The following PLEKHA1 variants were observed in gnomAD, a reference collection of about 807,000 sequenced individuals.
PLEKHA1 encodes the protein pleckstrin homology domain-containing family A member 1.
PLEKHA1 carries 34 observed loss-of-function variants against 52.0 expected under a neutral mutation model. The observed-to-expected ratio is 0.65, with a 90% CI of 0.50 to 0.87. PLEKHA1 has a LOEUF of 0.87. Among genes scored for constraint, PLEKHA1 ranks in the 40% least tolerant of loss-of-function variants. The probability of loss-of-function intolerance (pLI) is 0.00; values close to 1 mark genes in which losing one functional copy is unlikely to be tolerated. For missense variants in PLEKHA1, 497 were observed against 504.2 expected (o/e 0.99, Z 0.14); for synonymous variants, 163 against 170.7 (o/e 0.95, Z 0.35).
At chr10:122,399,532 T>A (rs189751698) in intron 3 of PLEKHA1, among the ~76,000 whole-genome samples, 67 of 152,210 alleles carry the variant, frequency 4.4e-4, no homozygotes, top group South Asian at 8.3e-4. Flanking sequence ...ATCTTAATTA[T>A]TAAGATTAAG....
chr10:122,408,628 CTT>C (rs1294209439), intron 5 of PLEKHA1, among the ~76,000 whole-genome samples: 1 of 152,002 alleles, frequency 6.6e-6, no homozygotes, highest in Non-Finnish European at 1.5e-5. Flanking sequence ...TAAAAATAAA[CTT>C]TTGATAGACA....
rs747412267 is a variant in PLEKHA1 at position 122,400,314 on chromosome 10, G to A, written c.199-29G>A. 4 of 1,585,772 alleles carry A rather than the reference G, an allele frequency of 2.5e-6. No homozygotes were observed. The Admixed American group carries it at 5.6e-5, about 22-fold the overall frequency. On this transcript the variant is annotated intron_variant, in intron 3 of 11. Transcript: ENST00000368990. ...TGGTTTTAGGATTATATGGAGAAGT[G>A]AGGAACCCGTCTCTATTTTTCTTTT...
chr10:122,415,369 G>A lies in PLEKHA1; in HGVS notation c.469-490G>A, dbSNP rs889046428. On this transcript the variant is annotated intron_variant, in intron 6 of 11. Coordinates refer to ENST00000368990, the MANE Select transcript of PLEKHA1 (RefSeq NM_001001974.4). Reference sequence around the variant, plus strand: ...CCAATTCTGGGTCTTAAATGTGGTAGTAGTTACACAGATCTACACATGTGA... The same window carrying A: ...CCAATTCTGGGTCTTAAATGTGGTAATAGTTACACAGATCTACACATGTGA... Among the ~76,000 whole-genome samples, 5 of 139,026 alleles carry A rather than the reference G, an allele frequency of 3.6e-5. No homozygotes were observed. The Admixed American group carries it at 3.6e-4, about 10-fold the overall frequency. 91.2% of individuals were successfully genotyped at this position (139,026 alleles called of 152,430 possible).
rs4405249 is a variant in PLEKHA1 at position 122,424,216 on chromosome 10, T to C, written c.699T>C (p.Arg233=). The stretch of plus-strand genomic sequence containing the variant: ...TTTGCCAGGAAAAGGAACCTCTTCG[T>C]GTAATACCACTTAAAGAGGTTCATA... ...FKSELEKEPL[R]VIPLKEVHKV... is the part of the protein sequence containing the mutation. Residue 233 remains arginine (R), a synonymous_variant, in exon 9 of 12, where the codon CGT becomes CGC. Transcript: ENST00000368990. 0.86 allele frequency: 1,350,774 copies of C among 1,575,738 alleles called. 580,811 individuals are homozygous for C. Among genetic ancestry groups the C allele is most frequent in the East Asian group, 1 (44,367 of 44,376 alleles).
intron 1 of PLEKHA1, chr10:122,387,775 CCT>C (rs1411214186): frequency 2.6e-5 from 4 of 152,232 alleles, no homozygotes; most frequent in African/African-American, 9.7e-5. Flanking sequence ...GGGCTGGTCA[CCT>C]CTCTCCGCAC....
intron 1 of PLEKHA1, chr10:122,392,963 C>A: frequency 2.7e-6 from 1 of 364,948 alleles, no homozygotes; most frequent in Non-Finnish European, 4.9e-6. Context: ...TCTCTGTTGT[C>A]CCCATCACAG....
At chr10:122,392,543 G>C (rs2096790668) in intron 1 of PLEKHA1, among the ~76,000 whole-genome samples, 1 of 152,100 alleles carries the variant, frequency 6.6e-6, no homozygotes, top group Non-Finnish European at 1.5e-5. Context: ...AACAATTCAA[G>C]GGTTTTTTAG....
At chr10:122,394,365 C>T (rs765332684) in intron 2 of PLEKHA1, among the ~76,000 whole-genome samples, 10 of 152,090 alleles carry the variant, frequency 6.6e-5, no homozygotes, top group Non-Finnish European at 1.3e-4. Flanking sequence ...CATGAGCCAC[C>T]GCGCCCGGCC....
chr10:122,400,114 A>G (rs2096907271), intron 3 of PLEKHA1, among the ~76,000 whole-genome samples: 1 of 152,222 alleles, frequency 6.6e-6, no homozygotes, highest in Non-Finnish European at 1.5e-5. Context: ...AGAGAAAACA[A>G]GTTGTTCAAA....
intron 1 of PLEKHA1, among the ~76,000 whole-genome samples, chr10:122,375,739 G>C (rs2096524960): frequency 6.6e-6 from 1 of 152,170 alleles, no homozygotes; most frequent in Non-Finnish European, 1.5e-5. Flanking sequence ...TTGCTCTCTG[G>C]GGGCAGTACA....
chr10:122,423,911 T>C (rs1045917745), intron 8 of PLEKHA1: 2 of 358,558 alleles, frequency 5.6e-6, no homozygotes, highest in African/African-American at 4.3e-5. Flanking sequence ...TCGGGGAAAG[T>C]CTGATGGCTA....
At chr10:122,380,715 G>C (rs1436939994) in intron 1 of PLEKHA1, among the ~76,000 whole-genome samples, 4 of 152,068 alleles carry the variant, frequency 2.6e-5, no homozygotes, top group Admixed American at 2.6e-4. Context: ...TAGAATGATT[G>C]GGGAAGCTTT....
chr10:122,387,326 A>G (rs930165504), intron 1 of PLEKHA1: 3 of 152,106 alleles, frequency 2.0e-5, no homozygotes, highest in Non-Finnish European at 4.4e-5. Flanking sequence ...GCATACTACA[A>G]ATTTTGACTT....
intron 11 of PLEKHA1, chr10:122,428,323 A>C (rs1312921111): frequency 5.2e-6 from 8 of 1,547,568 alleles, no homozygotes; most frequent in East Asian, 2.4e-5. Flanking sequence ...AGAGGTATAC[A>C]TCAAGAGCTG....
In PLEKHA1 at chr10:122,393,487, CT is replaced by C; in HGVS notation, c.141+147del. On this transcript the variant is annotated intron_variant, in intron 2 of 11. Coordinates refer to ENST00000368990, the MANE Select transcript of PLEKHA1 (RefSeq NM_001001974.4). The surrounding 1 kb of genome is among the most constrained non-coding windows in gnomAD (Gnocchi z 4.5). ...TGGCTGTCCTCTCTGCCCTGCACCC[CT>C]GACCTCTACTGTTTTGTTTGAATTT... is the stretch of plus-strand genomic sequence containing the variant. 1 of 631,690 alleles carries C rather than the reference CT, an allele frequency of 1.6e-6. No homozygotes were observed. 39.1% of individuals were successfully genotyped at this position (631,690 alleles called of 1,614,324 possible). A position where few individuals can be genotyped will look rare whatever the true frequency, so the allele number is the denominator to read the frequency against.
Position 122,424,935 on chromosome 10 carries a change from A to G in PLEKHA1, c.786A>G (p.Thr262=), listed in dbSNP as rs749346634. 3.7e-6 allele frequency: 6 copies of G among 1,610,382 alleles called. No homozygotes were observed. The South Asian group carries it at 5.5e-5, about 15-fold the overall frequency. The change falls in exon 10 of 12, where the codon ACA becomes ACG. Residue 262 remains threonine (T), a synonymous_variant. Transcript: ENST00000368990. ...MMRDNLFEIV[T]TSRTFYVQAD... Reference sequence around the variant, plus strand: ...GGGACAACCTCTTTGAAATTGTAACAACGTCTCGAACTTTCTATGTGCAGG... The same window carrying G: ...GGGACAACCTCTTTGAAATTGTAACGACGTCTCGAACTTTCTATGTGCAGG...
At chr10:122,410,114 A>G (rs1238575027) in intron 5 of PLEKHA1, among the ~76,000 whole-genome samples, 1 of 152,188 alleles carries the variant, frequency 6.6e-6, no homozygotes, top group Non-Finnish European at 1.5e-5. Context: ...GGTGAATTGA[A>G]TATCAACTTT....
Position 122,380,421 on chromosome 10 carries a change from A to T in PLEKHA1, c.-21+5615A>T, listed in dbSNP as rs561728432. ...AATAAATGCTAAGGAGAAGAATAAC[A>T]TGGGGAACCAAGGTGGAAGTAGCAA... On this transcript the variant is annotated intron_variant, in intron 1 of 11. Transcript: ENST00000368990. Among the ~76,000 whole-genome samples the T allele has an allele frequency of 2.4e-3, 365 of 152,346 alleles. 1 individual carries two copies. Among genetic ancestry groups the T allele is most frequent in the African/African-American group, 8.2e-3 (340 of 41,582 alleles).
At chr10:122,409,631 A>G (rs1025631967) in intron 5 of PLEKHA1, among the ~76,000 whole-genome samples, 1 of 152,192 alleles carries the variant, frequency 6.6e-6, no homozygotes, top group Non-Finnish European at 1.5e-5. Flanking sequence ...AATTTGTGGC[A>G]GAAACTCCAC....
Sources: gnomAD v4.1 joint callset for allele counts (sites outside exome capture counted in the v4.1 genomes callset) on GRCh38, gnomAD v4.1.1 for gene constraint, Gnocchi (gnomAD v3.1) non-coding constraint, MANE v1.5 for transcripts, NCBI Gene and HGNC (gene_info 2026-07-23, HGNC 2026-07-21) for gene names.